Variants in KCTD20 observed in about 807,000 individuals in gnomAD.
The protein encoded by KCTD20 is BTB/POZ domain-containing protein KCTD20.
KCTD20 carries 30 observed loss-of-function variants against 39.6 expected under a neutral mutation model. The observed-to-expected ratio is 0.76, with a 90% CI of 0.57 to 1.03. The LOEUF (loss-of-function observed/expected upper bound fraction) is 1.03, where lower values mean the gene tolerates loss of function less well. Among genes scored for constraint, KCTD20 ranks in the 50% least tolerant of loss-of-function variants. The pLI is 0.00. For missense variants in KCTD20, 422 were observed against 522.0 expected, an observed-to-expected ratio of 0.81 and a Z score of 1.87; for synonymous variants, 162 against 180.6, an observed-to-expected ratio of 0.90 and a Z score of 0.83.
intron 1 of KCTD20, among the ~76,000 whole-genome samples, chr6:36,447,196 G>A (rs1322218533): frequency 6.6e-6 from 1 of 152,170 alleles, no homozygotes; most frequent in East Asian, 1.9e-4. Flanking sequence ...TACTTTATCA[G>A]TTTCTGTCTC....
At chr6:36,447,682 A>G (rs1775089731) in intron 1 of KCTD20, among the ~76,000 whole-genome samples, 1 of 151,872 alleles carries the variant, frequency 6.6e-6, no homozygotes, top group South Asian at 2.1e-4. Flanking sequence ...GTGCTTAGAA[A>G]GGAAGACATA....
At chr6:36,450,304 A>G (rs185142632) in intron 1 of KCTD20, among the ~76,000 whole-genome samples, 118 of 151,982 alleles carry the variant, frequency 7.8e-4, no homozygotes, top group Admixed American at 7.4e-3. Flanking sequence ...CGTGGCCAAC[A>G]TGACGAAACC....
chr6:36,453,370 C>T lies in KCTD20; in HGVS notation c.-47+10259C>T, dbSNP rs917043347. Among the ~76,000 whole-genome samples, 31 of 152,052 alleles carry T rather than the reference C, an allele frequency of 2.0e-4. 1 individual carries two copies. Among genetic ancestry groups the T allele is most frequent in the Admixed American group, 6.6e-4 (10 of 15,266 alleles). On this transcript the variant is annotated intron_variant, in intron 1 of 7. Transcript: ENST00000373731. ...AACTTTTGGCTTTATTGATTTTTCT[C>T]AGTTGAGCTTGTGTTTTCTTTTACA...
chr6:36,483,286 GAGAC>G (rs1159117257), intron 6 of KCTD20, among the ~76,000 whole-genome samples: 2 of 30,464 alleles, frequency 6.6e-5, no homozygotes, highest in Non-Finnish European at 1.2e-4. Context: ...TTTTTTTTTT[GAGAC>G]AGAGTCCCAC....
Position 36,488,894 on chromosome 6 carries a change from G to A in KCTD20, c.*1719G>A, listed in dbSNP as rs373483243. ...TGTTCTTCACTAGAATGTAGTAAGT[G>A]GTTAAACTGAGCTATCCCCCACCTG... On this transcript the variant is annotated 3_prime_UTR_variant, in exon 8 of 8. Coordinates refer to ENST00000373731, the MANE Select transcript of KCTD20 (RefSeq NM_173562.5). 17 of 152,660 alleles carry A rather than the reference G, an allele frequency of 1.1e-4. No individual in the cohort carries two copies. The highest frequency in any genetic ancestry group is 2.5e-4 in the Non-Finnish European group (17 of 68,040). 9.5% of individuals were successfully genotyped at this position (152,660 alleles called of 1,614,324 possible).
chr6:36,467,057 C>G (rs2127442145), intron 1 of KCTD20, among the ~76,000 whole-genome samples: 1 of 152,034 alleles, frequency 6.6e-6, no homozygotes, highest in Admixed American at 6.6e-5. Flanking sequence ...CCTGTAATCC[C>G]AGCACTTTAG....
chr6:36,479,655 C>G lies in KCTD20; in HGVS notation c.602C>G (p.Thr201Ser). The G allele has an allele frequency of 6.2e-7, 1 of 1,604,752 alleles. No individual in the cohort carries two copies. The highest frequency in any genetic ancestry group is 8.5e-7 in the Non-Finnish European group (1 of 1,173,284). Residue 201 changes from threonine to serine, a missense_variant, in exon 5 of 8, where the codon ACT (threonine) becomes AGT (serine). Thr to Ser is a moderately conservative substitution (Grantham distance 58). Transcript: ENST00000373731. ...DGISIPDLRD[T>S]CDYLCINFDF... ...ATCTCTATCCCAGATCTTAGAGATA[C>G]TTGTGATTATCTCTGCATTAATTTT... is the stretch of plus-strand genomic sequence containing the variant.
intron 1 of KCTD20, among the ~76,000 whole-genome samples, chr6:36,466,675 C>G (rs1193016543): frequency 6.6e-6 from 1 of 152,042 alleles, no homozygotes; most frequent in Non-Finnish European, 1.5e-5. Flanking sequence ...AGCCACTGCG[C>G]CTTGCCTTTT....
chr6:36,459,099 G>C (rs975598947), intron 1 of KCTD20, among the ~76,000 whole-genome samples: 4 of 152,164 alleles, frequency 2.6e-5, no homozygotes, highest in South Asian at 4.1e-4. Context: ...TGATATCAAG[G>C]TCAAGAGTTT....
rs918576700 is a variant in KCTD20, at chr6:36,470,266, A to G, written c.160+9A>G. 2.5e-6 allele frequency: 4 copies of G among 1,593,918 alleles called. No individual in the cohort carries two copies. Among genetic ancestry groups the G allele is most frequent in the Non-Finnish European group, 3.4e-6 (4 of 1,166,948 alleles). ...AGGTCCCAGGAATGAAGGTACAGTG[A>G]TTAACTCTTGACTTAATTTGGGGGG... On this transcript the variant is annotated intron_variant, in intron 2 of 7. Coordinates refer to ENST00000373731, the MANE Select transcript of KCTD20 (RefSeq NM_173562.5).
intron 7 of KCTD20, 118 bp from the exon 8 acceptor site, chr6:36,486,765 G>A (rs759820436): frequency 4.3e-5 from 35 of 810,250 alleles, no homozygotes; most frequent in Non-Finnish European, 5.7e-5. Flanking sequence ...TGGTCACTTC[G>A]CACATATTTT....
At position 36,474,924 on chromosome 6, in the gene KCTD20, G is replaced by T; in HGVS notation, c.296G>T (p.Arg99Ile). ...CATGAACCTTTTATTGCTCCAGAAA[G>T]ATTTGGAAACAGTAGTGTGGGCTTT... is the stretch of plus-strand genomic sequence containing the variant. ...RNHEPFIAPE[R>I]FGNSSVGFGS... is the part of the protein sequence containing the mutation. Residue 99 changes from arginine (R) to isoleucine (I), a missense_variant, in exon 3 of 8, where the codon AGA becomes ATA. Arg to Ile is a moderately conservative substitution (Grantham distance 97). Coordinates refer to ENST00000373731, the MANE Select transcript of KCTD20 (RefSeq NM_173562.5). The T allele has an allele frequency of 6.2e-7, 1 of 1,614,144 alleles. No individual in the cohort carries two copies. Among genetic ancestry groups the T allele is most frequent in the Non-Finnish European group, 8.5e-7 (1 of 1,180,020 alleles).
intron 1 of KCTD20, among the ~76,000 whole-genome samples, chr6:36,465,178 C>T (rs945084848): frequency 2.0e-5 from 3 of 151,830 alleles, no homozygotes; most frequent in Admixed American, 6.6e-5. Flanking sequence ...TGCCTGTAAT[C>T]CCAGTTACTC....
Position 36,470,250 on chromosome 6 carries a change from G to C in KCTD20, c.153G>C (p.Arg51Ser). The C allele has an allele frequency of 1.9e-6, 3 of 1,610,392 alleles. No homozygotes were observed. Among genetic ancestry groups the C allele is most frequent in the Non-Finnish European group, 2.5e-6 (3 of 1,177,818 alleles). Residue 51 changes from arginine to serine, a missense_variant, in exon 2 of 8, where the codon AGG becomes AGC. Transcript: ENST00000373731. ...ATCTTACTTATCCTCTAGGTCCCAG[G>C]AATGAAGGTACAGTGATTAACTCTT... Reference protein sequence around the residue: ...PHNLTYPLGPRNEDLSLDYAS... With the variant: ...PHNLTYPLGPSNEDLSLDYAS...
chr6:36,470,783 G>A (rs1775888571), intron 2 of KCTD20, among the ~76,000 whole-genome samples: 2 of 152,034 alleles, frequency 1.3e-5, no homozygotes, highest in African/African-American at 2.4e-5. Flanking sequence ...TATATTTTTG[G>A]TAGAGACAGG....
In KCTD20 at chr6:36,484,630, C is replaced by G. The variant is rs145911642; in HGVS notation, c.857-84C>G. ...ATTTGGGATTAGGAGTCAAGTATAT[C>G]CTTCATTAGTTTGATTTTGTTAGCT... On this transcript the variant is annotated intron_variant, in intron 6 of 7. Coordinates refer to ENST00000373731, the MANE Select transcript of KCTD20 (RefSeq NM_173562.5). The G allele has an allele frequency of 1.5e-3, 983 of 663,576 alleles. 2 individuals are homozygous for G. The highest frequency in any genetic ancestry group is 2.2e-3 in the Non-Finnish European group (822 of 368,914). The allele number at this position is 663,576 out of a possible 1,614,324, so 41.1% of individuals were successfully genotyped here. A position where few individuals can be genotyped will look rare whatever the true frequency, so the allele number is the denominator to read the frequency against.
chr6:36,446,024 G>GTTTTGTT (rs1554158230), intron 1 of KCTD20, among the ~76,000 whole-genome samples: 2 of 126,538 alleles, frequency 1.6e-5, no homozygotes, highest in African/African-American at 5.9e-5. Flanking sequence ...TATGAACTCA[G>GTTTTGTT]TTTTTTTTTT....
rs145002954 is a variant in KCTD20, at chr6:36,448,766, G to A, written c.-47+5655G>A. Among the ~76,000 whole-genome samples, 117 of 152,324 alleles carry A rather than the reference G, an allele frequency of 7.7e-4. 1 individual carries two copies. Among genetic ancestry groups the A allele is most frequent in the African/African-American group, 2.3e-3 (96 of 41,572 alleles). ...TCTCACTGACTTCAAGAATGAAGCCGCGGAGCCTCGCGGTGAGTGTTACAA... is the reference window on the plus strand; with the variant it reads ...TCTCACTGACTTCAAGAATGAAGCCACGGAGCCTCGCGGTGAGTGTTACAA... On this transcript the variant is annotated intron_variant, in intron 1 of 7. Coordinates refer to ENST00000373731, the MANE Select transcript of KCTD20 (RefSeq NM_173562.5).
At chr6:36,470,726 G>A (rs1405844380) in intron 2 of KCTD20, among the ~76,000 whole-genome samples, 2 of 152,064 alleles carry the variant, frequency 1.3e-5, no homozygotes, top group Admixed American at 6.6e-5. Flanking sequence ...TCAGCCTCAC[G>A]AGTTGCTGGG....
Sources: gnomAD v4.1 joint callset for allele counts (sites outside exome capture counted in the v4.1 genomes callset) on GRCh38, gnomAD v4.1.1 for gene constraint, MANE v1.5 for transcripts, NCBI Gene and HGNC (gene_info 2026-07-23, HGNC 2026-07-21) for gene names.